The following EIF2B1 variants were observed in gnomAD, a reference collection of about 807,000 sequenced individuals.
The protein encoded by EIF2B1 is eukaryotic translation initiation factor 2B subunit alpha.
EIF2B1 carries 30 observed loss-of-function variants against 36.8 expected under a neutral mutation model. The observed-to-expected ratio is 0.81, with a 90% confidence interval of 0.61 to 1.10. The LOEUF (loss-of-function observed/expected upper bound fraction) is 1.10, where lower values mean the gene tolerates loss of function less well. Ranked by LOEUF, EIF2B1 falls within the 50% of genes least tolerant of loss-of-function variation. EIF2B1 has a pLI of 0.00. For missense variants in EIF2B1, 271 were observed against 374.8 expected (o/e 0.72, Z 2.29); for synonymous variants, 139 against 142.2 (o/e 0.98, Z 0.16).
intron 4 of EIF2B1, among the ~76,000 whole-genome samples, chr12:123,628,468 T>C (rs1157116724): frequency 6.6e-6 from 1 of 150,818 alleles, no homozygotes; most frequent in Non-Finnish European, 1.5e-5. Flanking sequence ...GTTCAGGTGA[T>C]TCTCCCACCT....
intron 4 of EIF2B1, among the ~76,000 whole-genome samples, chr12:123,627,551 G>A (rs909886659): frequency 6.6e-6 from 1 of 152,180 alleles, no homozygotes; most frequent in African/African-American, 2.4e-5. Flanking sequence ...GCAGCAAAGC[G>A]AAAGGCTACA....
chr12:123,624,139 ATATT>A (rs1352555322), intron 7 of EIF2B1, among the ~76,000 whole-genome samples: 4 of 148,786 alleles, frequency 2.7e-5, no homozygotes, highest in East Asian at 1.9e-4. Context: ...TTGTGTATAT[ATATT>A]ATGTGTGTGT....
At chr12:123,627,381 CCA>C (rs1010349493) in intron 4 of EIF2B1, among the ~76,000 whole-genome samples, 1 of 152,192 alleles carries the variant, frequency 6.6e-6, no homozygotes, top group African/African-American at 2.4e-5. Context: ...AATGGAACTC[CCA>C]CACAGTGTTA....
rs1955098088 is a variant in EIF2B1 at position 123,621,506 on chromosome 12, T to G, written c.*250A>C. On this transcript the variant is annotated 3_prime_UTR_variant, in exon 9 of 9. Transcript: ENST00000424014. ...TAGCCAATTATCTAACTTGTATTTC[T>G]GGAAACTGAAAAGGAAAGTTTCTAG... 1 of 517,160 alleles carries G rather than the reference T, an allele frequency of 1.9e-6. No individual in the cohort carries two copies. The highest frequency in any genetic ancestry group is 2.0e-5 in the South Asian group (1 of 49,190). 32.0% of individuals were successfully genotyped at this position (517,160 alleles called of 1,614,324 possible).
intron 4 of EIF2B1, among the ~76,000 whole-genome samples, chr12:123,628,573 G>A (rs1329819882): frequency 1.3e-5 from 2 of 151,750 alleles, no homozygotes; most frequent in Non-Finnish European, 2.9e-5. Flanking sequence ...CATGTTGCCC[G>A]GGCTGGTCTT....
At chr12:123,633,474 G>T (rs1955218900) in intron 1 of EIF2B1, 71 bp downstream of exon 1, 8 of 1,603,550 alleles carry the variant, frequency 5.0e-6, no homozygotes, top group Non-Finnish European at 6.8e-6. Context: ...GCTCAGCCTG[G>T]ATGTGAGAGG....
In EIF2B1 at chr12:123,627,070, G is replaced by A. The variant is rs756209363; in HGVS notation, c.456C>T (p.Val152=). The change falls in exon 5 of 9, where the codon GTC becomes GTT. Residue 152 remains valine, a synonymous_variant. Transcript: ENST00000424014. The part of the protein sequence containing the change: ...VAAKKRFSVY[V]TESQPDLSGK... ...CTGACAAATCAGGCTGTGACTCTGT[G>A]ACGTATACACTAAATCGCTTCTTGG... The A allele has an allele frequency of 1.9e-6, 3 of 1,614,204 alleles. No homozygotes were observed. The highest frequency in any genetic ancestry group is 2.2e-5 in the East Asian group (1 of 44,890).
In EIF2B1 at chr12:123,620,610, ATATATAT is replaced by A. The variant is rs1955066424; in HGVS notation, c.*1139_*1145del. On this transcript the variant is annotated 3_prime_UTR_variant, in exon 9 of 9. Coordinates refer to ENST00000424014, the MANE Select transcript of EIF2B1 (RefSeq NM_001414.4). ...TATATATATATATATATATATATAT[ATATATAT>A]ATATATATATAAGCTCTTTTTTCTG... is the stretch of plus-strand genomic sequence containing the variant. 15 of 76,996 alleles carry A rather than the reference ATATATAT, an allele frequency of 1.9e-4. 1 individual carries two copies. In the South Asian group the frequency reaches 6.8e-3, roughly 35 times the overall value. 4.8% of individuals were successfully genotyped at this position (76,996 alleles called of 1,614,324 possible). A position where few individuals can be genotyped will look rare whatever the true frequency, so the allele number is the denominator to read the frequency against.
chr12:123,621,635 C>A lies in EIF2B1; in HGVS notation c.*121G>T. 7.8e-7 allele frequency: 1 copy of A among 1,276,488 alleles called. No individual in the cohort carries two copies. The highest frequency in any genetic ancestry group is 1.5e-5 in the African/African-American group (1 of 68,154). 79.1% of individuals were successfully genotyped at this position (1,276,488 alleles called of 1,614,324 possible). A position where few individuals can be genotyped will look rare whatever the true frequency, so the allele number is the denominator to read the frequency against. ...TCTCCAAGATGTATGATTTTAAGTC[C>A]TTACTCCATAAATCTTCATTAAACA... On this transcript the variant is annotated 3_prime_UTR_variant, in exon 9 of 9. Coordinates refer to ENST00000424014, the MANE Select transcript of EIF2B1 (RefSeq NM_001414.4).
intron 8 of EIF2B1, among the ~76,000 whole-genome samples, chr12:123,622,177 G>A (rs948315227): frequency 3.9e-5 from 6 of 152,196 alleles, no homozygotes; most frequent in African/African-American, 1.4e-4. Context: ...AACTTCTCCA[G>A]ACCTCTCAAG....
At chr12:123,626,522 G>A (rs781628847) in intron 5 of EIF2B1, 29 bp from the exon 6 acceptor site, 2 of 1,612,722 alleles carry the variant, frequency 1.2e-6, no homozygotes, top group South Asian at 1.1e-5. Flanking sequence ...GAACGTTAGA[G>A]AAAGTACAAG....
Position 123,625,688 on chromosome 12 carries a change from T to C in EIF2B1, c.551+737A>G, listed in dbSNP as rs142764242. Among the ~76,000 whole-genome samples the C allele has an allele frequency of 6.7e-3, 1,022 of 152,352 alleles. 14 individuals are homozygous for C. The highest frequency in any genetic ancestry group is 0.023 in the African/African-American group (936 of 41,584). On this transcript the variant is annotated intron_variant, in intron 6 of 8. Coordinates refer to ENST00000424014, the MANE Select transcript of EIF2B1 (RefSeq NM_001414.4). ...AAATACACTGACAATCCCAGGAACA[T>C]GTGACTTGGCTTTGCGACACAAGCT...
chr12:123,626,267 C>T, intron 6 of EIF2B1, 158 bp downstream of exon 6: 1 of 788,816 alleles, frequency 1.3e-6, no homozygotes, highest in Non-Finnish European at 2.1e-6. Flanking sequence ...ATCACAACCT[C>T]ATAACAAGCT....
chr12:123,621,423 C>G lies in EIF2B1; in HGVS notation c.*333G>C. 1 of 376,564 alleles carries G rather than the reference C, an allele frequency of 2.7e-6. No individual in the cohort carries two copies. The allele number at this position is 376,564 out of a possible 1,614,324, so 23.3% of individuals were successfully genotyped here. On this transcript the variant is annotated 3_prime_UTR_variant, in exon 9 of 9. Coordinates refer to ENST00000424014, the MANE Select transcript of EIF2B1 (RefSeq NM_001414.4). ...TCTCGCGTGCTTTAGGCAGATCAGT[C>G]TGGAGTGCAGGGGAGGATGAAGACA...
chr12:123,624,743 C>T, intron 7 of EIF2B1, 44 bp downstream of exon 7: 1 of 1,558,942 alleles, frequency 6.4e-7, no homozygotes, highest in Non-Finnish European at 8.8e-7. Context: ...AGCAAGACAC[C>T]TCCAAGTCTT....
chr12:123,631,027 C>A (rs1477769314), intron 2 of EIF2B1, among the ~76,000 whole-genome samples: 1 of 152,200 alleles, frequency 6.6e-6, no homozygotes, highest in African/African-American at 2.4e-5. Flanking sequence ...CAGATGCTTA[C>A]ATTTAGGGTG....
intron 2 of EIF2B1, among the ~76,000 whole-genome samples, chr12:123,631,135 T>C (rs2135766874): frequency 6.6e-6 from 1 of 152,286 alleles, no homozygotes; most frequent in South Asian, 2.1e-4. Context: ...GGTGGAGGCC[T>C]AATAAACACT....
rs1955180417 is a variant in EIF2B1 at position 123,630,588 on chromosome 12, T to A, written c.116-55A>T. On this transcript the variant is annotated intron_variant, in intron 2 of 8. Coordinates refer to ENST00000424014, the MANE Select transcript of EIF2B1 (RefSeq NM_001414.4). The surrounding 1 kb of genome is among the most constrained non-coding windows in gnomAD (Gnocchi z 4.6). Reference sequence around the variant, plus strand: ...TCACATTAGGGCCACAGCCCCGACCTGTATCTTCAATTCATTCATTCATTC... The same window carrying A: ...TCACATTAGGGCCACAGCCCCGACCAGTATCTTCAATTCATTCATTCATTC... 1 of 1,603,344 alleles carries A rather than the reference T, an allele frequency of 6.2e-7. No homozygotes were observed. The highest frequency in any genetic ancestry group is 8.5e-7 in the Non-Finnish European group (1 of 1,178,002).
chr12:123,627,848 T>C (rs962977867), intron 4 of EIF2B1, among the ~76,000 whole-genome samples: 1 of 152,156 alleles, frequency 6.6e-6, no homozygotes. Flanking sequence ...AGTGAGACTC[T>C]GTCTCAAAAA....
Sources: allele counts gnomAD v4.1 joint callset (sites outside exome capture counted in the v4.1 genomes callset), GRCh38; gene constraint gnomAD v4.1.1; non-coding constraint Gnocchi (gnomAD v3.1); transcripts MANE v1.5; gene names NCBI Gene and HGNC (gene_info 2026-07-23, HGNC 2026-07-21).